The following RNF207 variants were observed in gnomAD, a reference collection of about 807,000 sequenced individuals.
The protein encoded by RNF207 is ring finger protein 207.
In RNF207, 72 loss-of-function variants were observed where a neutral mutation model predicts 79.0. The observed-to-expected ratio is 0.91, with a 90% confidence interval of 0.75 to 1.11. RNF207 has a LOEUF of 1.11. Ranked by LOEUF, RNF207 falls within the 50% of genes least tolerant of loss-of-function variation. The probability of loss-of-function intolerance (pLI) is 0.00; values close to 1 mark genes in which losing one functional copy is unlikely to be tolerated. For synonymous variants in RNF207, 348 were observed against 366.2 expected, an observed-to-expected ratio of 0.95 and a Z score of 0.57; for missense variants, 936 against 855.8, an observed-to-expected ratio of 1.09 and a Z score of -1.17.
chr1:6,206,323 C>T, intron 1 of RNF207, 21 bp downstream of exon 1: 2 of 556,990 alleles, frequency 3.6e-6, no homozygotes, highest in South Asian at 4.6e-5. Context: ...GGCCCCGCCC[C>T]TCGCCAGTCC....
Position 6,207,813 on chromosome 1 carries a change from C to G in RNF207, c.324+302C>G, listed in dbSNP as rs755929833. 18 of 594,082 alleles carry G rather than the reference C, an allele frequency of 3.0e-5. No individual in the cohort carries two copies. The highest frequency in any genetic ancestry group is 2.7e-4 in the South Asian group (17 of 63,626). The allele number at this position is 594,082 out of a possible 1,614,324, so 36.8% of individuals were successfully genotyped here. A position where few individuals can be genotyped will look rare whatever the true frequency, so the allele number is the denominator to read the frequency against. On this transcript the variant is annotated intron_variant, in intron 3 of 17. Coordinates refer to ENST00000377939, the MANE Select transcript of RNF207 (RefSeq NM_207396.3). This position sits in a 1 kb window ranked among gnomAD's most constrained non-coding sequence, Gnocchi z 4.5. Reference sequence around the variant, plus strand: ...GTGGACCTGCACAGGAGGGGCAGTCCAGTTTGCAGGCCTGGGCCGACCCTG... The same window carrying G: ...GTGGACCTGCACAGGAGGGGCAGTCGAGTTTGCAGGCCTGGGCCGACCCTG...
At chr1:6,215,845 A>G (rs369400918) in intron 16 of RNF207, among the ~76,000 whole-genome samples, 15 of 152,124 alleles carry the variant, frequency 9.9e-5, no homozygotes, top group African/African-American at 2.9e-4. Context: ...GTAGGTTTCT[A>G]TCTTCCAGGC....
intron 10 of RNF207, 28 bp downstream of exon 10, chr1:6,210,466 C>G: frequency 6.4e-7 from 1 of 1,572,182 alleles, no homozygotes; most frequent in Non-Finnish European, 8.7e-7. Context: ...CTGCAGATGC[C>G]CCCTCCCCAC....
intron 16 of RNF207, 41 bp downstream of exon 16, chr1:6,213,224 C>A: frequency 7.6e-7 from 1 of 1,317,376 alleles, no homozygotes; most frequent in South Asian, 1.2e-5. Context: ...TGAGACTCTT[C>A]AGAATGTGCA....
intron 10 of RNF207, 69 bp from the exon 11 acceptor site, chr1:6,210,801 C>T: frequency 7.3e-7 from 1 of 1,369,866 alleles, no homozygotes; most frequent in East Asian, 2.5e-5. Flanking sequence ...TGCTCCGCCT[C>T]CATCTCCCCT....
intron 16 of RNF207, among the ~76,000 whole-genome samples, chr1:6,214,663 TCTCACTCTGTTACCAGG>T (rs1668302957): frequency 9.1e-6 from 1 of 109,998 alleles, no homozygotes; most frequent in African/African-American, 4.2e-5. Flanking sequence ...TGAGACAGAG[TCTCACTCTGTTACCAGG>T]CTGGAGTGCA....
Position 6,219,562 on chromosome 1 carries a change from G to A in RNF207, c.*155G>A, listed in dbSNP as rs111821382. The A allele has an allele frequency of 1.7e-5, 8 of 466,264 alleles. No individual in the cohort carries two copies. The highest frequency in any genetic ancestry group is 1.9e-5 in the Non-Finnish European group (5 of 265,910). The allele number at this position is 466,264 out of a possible 1,614,324, so 28.9% of individuals were successfully genotyped here. ...GGCTGGAGTGTAATGGTGCAATCTC[G>A]GCTCACTGCAACCTCTGCCTCCTGG... On this transcript the variant is annotated 3_prime_UTR_variant, in exon 18 of 18. Transcript: ENST00000377939.
chr1:6,215,347 T>G (rs1023968040), intron 16 of RNF207, among the ~76,000 whole-genome samples: 2 of 151,428 alleles, frequency 1.3e-5, no homozygotes, highest in African/African-American at 4.8e-5. Context: ...TTTTTTTTTT[T>G]TTGAGATGGG....
At position 6,209,356 on chromosome 1, in the gene RNF207, GC is replaced by G; in HGVS notation, c.627+15del. 6.5e-7 allele frequency: 1 copy of G among 1,534,484 alleles called. No homozygotes were observed. The highest frequency in any genetic ancestry group is 2.5e-5 in the East Asian group (1 of 40,228). ...GCAGGCGGTGCTGGTGAGCGCAGGGGCCTGGCGCGCGGGGCCGCGCGGCGGC... is the reference window on the plus strand; with the variant it reads ...GCAGGCGGTGCTGGTGAGCGCAGGGGCTGGCGCGCGGGGCCGCGCGGCGGC... On this transcript the variant is annotated intron_variant, in intron 6 of 17. Coordinates refer to ENST00000377939, the MANE Select transcript of RNF207 (RefSeq NM_207396.3).
intron 16 of RNF207, among the ~76,000 whole-genome samples, chr1:6,214,477 A>G (rs1218343140): frequency 2.0e-5 from 3 of 151,512 alleles, no homozygotes; most frequent in African/African-American, 4.9e-5. Context: ...ATCTTGGCTC[A>G]CTGCAGCCTC....
chr1:6,216,425 C>A (rs1266508509), intron 16 of RNF207, among the ~76,000 whole-genome samples: 1 of 152,210 alleles, frequency 6.6e-6, no homozygotes, highest in Non-Finnish European at 1.5e-5. Flanking sequence ...GTTGCTCCCT[C>A]AACCCACTTC....
Position 6,211,232 on chromosome 1 carries a change from T to C in RNF207, c.1109+114T>C. The C allele has an allele frequency of 4.2e-6, 3 of 719,808 alleles. No homozygotes were observed. Among genetic ancestry groups the C allele is most frequent in the Non-Finnish European group, 6.9e-6 (3 of 433,888 alleles). The allele number at this position is 719,808 out of a possible 1,614,324, so 44.6% of individuals were successfully genotyped here. ...GAAGCCAGGTGCCACCATTCCTTCC[T>C]CCGTCCTTAGCTCGCCACCCTCCCA... is the stretch of plus-strand genomic sequence containing the variant. On this transcript the variant is annotated intron_variant, in intron 12 of 17. Coordinates refer to ENST00000377939, the MANE Select transcript of RNF207 (RefSeq NM_207396.3). The surrounding 1 kb of genome is among the most constrained non-coding windows in gnomAD (Gnocchi z 4.2).
intron 14 of RNF207, 57 bp downstream of exon 14, chr1:6,212,473 C>T: frequency 1.3e-6 from 2 of 1,505,768 alleles, no homozygotes; most frequent in Non-Finnish European, 1.8e-6. Flanking sequence ...ACCTGGGCTA[C>T]CCTAAGACAG....
chr1:6,209,007 G>A lies in RNF207; in HGVS notation c.451G>A (p.Asp151Asn), dbSNP rs1668030997. ...DIVALGQRSR[D>N]VPQKCTLHAE... ...CGTGGCCCTGGGTCAGCGAAGCCGC[G>A]ACGTGCCCCAGAAGTGCAGTGAGTG... The change falls in exon 4 of 18, where the codon GAC (aspartate) becomes AAC (asparagine). Residue 151 changes from aspartate to asparagine, a missense_variant. Transcript: ENST00000377939. 1.3e-6 allele frequency: 2 copies of A among 1,539,340 alleles called. No individual in the cohort carries two copies. Among genetic ancestry groups the A allele is most frequent in the Non-Finnish European group, 1.7e-6 (2 of 1,145,504 alleles).
Position 6,209,258 on chromosome 1 carries a change from C to T in RNF207, c.552-10C>T. ...CCGCTGGAGCGGGCCTCACCCGCCG[C>T]CTTCTGCAGGGAGAGCCGGGCACAC... On this transcript the variant is annotated splice_polypyrimidine_tract_variant and intron_variant, in intron 5 of 17. Transcript: ENST00000377939. 6.5e-7 allele frequency: 1 copy of T among 1,549,444 alleles called. No individual in the cohort carries two copies. Among genetic ancestry groups the T allele is most frequent in the Non-Finnish European group, 8.7e-7 (1 of 1,146,674 alleles).
intron 3 of RNF207, 46 bp from the exon 4 acceptor site, chr1:6,208,835 G>C (rs1571200844): frequency 1.3e-6 from 2 of 1,490,880 alleles, no homozygotes; most frequent in East Asian, 5.1e-5. Flanking sequence ...TCCCGCGCTG[G>C]CCGCGGTCGG....
chr1:6,210,220 C>G lies in RNF207; in HGVS notation c.801-3C>G. ...TGGAAACCAGGCAGCCCCCCTCCCC[C>G]AGCCAATACGAAGAGAAGGACAAGG... On this transcript the variant is annotated splice_region_variant and splice_polypyrimidine_tract_variant and intron_variant, in intron 8 of 17. Coordinates refer to ENST00000377939, the MANE Select transcript of RNF207 (RefSeq NM_207396.3). 1 of 1,613,082 alleles carries G rather than the reference C, an allele frequency of 6.2e-7. No individual in the cohort carries two copies. The highest frequency in any genetic ancestry group is 8.5e-7 in the Non-Finnish European group (1 of 1,179,476).
rs989517341 is a variant in RNF207 at position 6,208,755 on chromosome 1, G to T, written c.325-126G>T. The T allele has an allele frequency of 7.3e-6, 7 of 954,536 alleles. No homozygotes were observed. The East Asian group carries it at 2.0e-4, about 27-fold the overall frequency. 59.1% of individuals were successfully genotyped at this position (954,536 alleles called of 1,614,324 possible). A position where few individuals can be genotyped will look rare whatever the true frequency, so the allele number is the denominator to read the frequency against. Reference sequence around the variant, plus strand: ...CGCCAAGTGCCTGGATTACAGGAAAGGGCTGCGTTTAGCTGCGCACCCGGC... The same window carrying T: ...CGCCAAGTGCCTGGATTACAGGAAATGGCTGCGTTTAGCTGCGCACCCGGC... On this transcript the variant is annotated intron_variant, in intron 3 of 17. Coordinates refer to ENST00000377939, the MANE Select transcript of RNF207 (RefSeq NM_207396.3).
intron 16 of RNF207, among the ~76,000 whole-genome samples, chr1:6,213,895 G>T (rs1668270188): frequency 6.6e-6 from 1 of 152,186 alleles, no homozygotes. Context: ...GAGTCACTGG[G>T]CCCCAGGATA....
Sources: gnomAD v4.1 joint callset for allele counts (sites outside exome capture counted in the v4.1 genomes callset) on GRCh38, gnomAD v4.1.1 for gene constraint, Gnocchi (gnomAD v3.1) non-coding constraint, MANE v1.5 for transcripts, NCBI Gene and HGNC (gene_info 2026-07-23, HGNC 2026-07-21) for gene names.